Variants in CCDC85A observed in about 807,000 individuals in gnomAD.
CCDC85A encodes the protein coiled-coil domain-containing protein 85A.
A neutral mutation model predicts 50.2 loss-of-function variants in CCDC85A; 38 were observed. The ratio of observed to expected loss-of-function variants is 0.76; its 90% CI spans 0.58 to 0.99. The LOEUF (loss-of-function observed/expected upper bound fraction) is 0.99. Ranked by LOEUF, CCDC85A falls within the 50% of genes least tolerant of loss-of-function variation. CCDC85A has a pLI of 0.00. For synonymous variants in CCDC85A, 366 were observed against 301.4 expected (o/e 1.21, Z -2.22); for missense variants, 820 against 742.0 (o/e 1.11, Z -1.22).
intron 2 of CCDC85A, among the ~76,000 whole-genome samples, chr2:56,296,568 C>T (rs764504247): frequency 4.4e-4 from 67 of 152,108 alleles, no homozygotes; most frequent in Admixed American, 9.2e-4. Context: ...GGAATTTTGG[C>T]GGCTTTTGAT....
At chr2:56,220,629 A>T (rs780542385) in intron 2 of CCDC85A, among the ~76,000 whole-genome samples, 4 of 152,036 alleles carry the variant, frequency 2.6e-5, no homozygotes, top group Non-Finnish European at 4.4e-5. Context: ...TGAGAAAGGA[A>T]GCTTTGTACT....
At chr2:56,370,184 C>T (rs991954170) in intron 3 of CCDC85A, among the ~76,000 whole-genome samples, 1 of 152,102 alleles carries the variant, frequency 6.6e-6, no homozygotes, top group Non-Finnish European at 1.5e-5. Context: ...AATCTGAGTT[C>T]CACCATTTTG....
chr2:56,266,607 A>T (rs1243360972), intron 2 of CCDC85A, among the ~76,000 whole-genome samples: 2 of 115,230 alleles, frequency 1.7e-5, no homozygotes, highest in Non-Finnish European at 3.3e-5. Flanking sequence ...TTCTTCCTCC[A>T]AAAAAGATCC....
chr2:56,257,572 C>G (rs1044989096), intron 2 of CCDC85A, among the ~76,000 whole-genome samples: 1 of 152,034 alleles, frequency 6.6e-6, no homozygotes, highest in Non-Finnish European at 1.5e-5. Flanking sequence ...TGAAAAACAT[C>G]TGGGAGGAAG....
rs11407205 is a variant in CCDC85A at position 56,209,420 on chromosome 2, CT to C, written c.1240+15995del. 6.7e-4 allele frequency among the ~76,000 whole-genome samples: 95 copies of C among 141,078 alleles called. 1 individual carries two copies. Among genetic ancestry groups the C allele is most frequent in the South Asian group, 5.3e-3 (24 of 4,514 alleles). 92.6% of individuals were successfully genotyped at this position (141,078 alleles called of 152,430 possible). ...CAGACATGCAAATAGAAGTCTGTTC[CT>C]TTTTTTTTTTTTTTCTCCTTTTTCT... On this transcript the variant is annotated intron_variant, in intron 2 of 5. Transcript: ENST00000407595.
chr2:56,291,830 C>T lies in CCDC85A; in HGVS notation c.1241-51049C>T, dbSNP rs115510174. ...AGAGGGAGGATGTAACCTGATTTAC[C>T]TGTGAGAACGTTCACGCTGACTCCT... On this transcript the variant is annotated intron_variant, in intron 2 of 5. Coordinates refer to ENST00000407595, the MANE Select transcript of CCDC85A (RefSeq NM_001080433.2). Among the ~76,000 whole-genome samples, 255 of 142,212 alleles carry T rather than the reference C, an allele frequency of 1.8e-3. 2 individuals are homozygous for T. The highest frequency in any genetic ancestry group is 6.6e-3 in the African/African-American group (250 of 37,824). 93.3% of individuals were successfully genotyped at this position (142,212 alleles called of 152,430 possible). A position where few individuals can be genotyped will look rare whatever the true frequency, so the allele number is the denominator to read the frequency against.
chr2:56,302,669 C>G (rs919278705), intron 2 of CCDC85A, among the ~76,000 whole-genome samples: 5 of 152,162 alleles, frequency 3.3e-5, no homozygotes, highest in African/African-American at 9.7e-5. Flanking sequence ...ACAAAGTCAC[C>G]TTTCTTTATC....
At position 56,307,284 on chromosome 2, in the gene CCDC85A, C is replaced by T. The variant is rs146711270; in HGVS notation, c.1241-35595C>T. Among the ~76,000 whole-genome samples, 662 of 152,128 alleles carry T rather than the reference C, an allele frequency of 4.4e-3. 1 individual carries two copies. Among genetic ancestry groups the T allele is most frequent in the Non-Finnish European group, 7.8e-3 (531 of 67,996 alleles). On this transcript the variant is annotated intron_variant, in intron 2 of 5. Transcript: ENST00000407595. ...GAAAAAAATGATAGATAAAGTTTGT[C>T]ATGATGAAATATATTAATTCTAGAG...
chr2:56,252,666 A>G (rs1669816197), intron 2 of CCDC85A, among the ~76,000 whole-genome samples: 1 of 151,858 alleles, frequency 6.6e-6, no homozygotes. Flanking sequence ...TACATTAGGT[A>G]TTTCTCCTAA....
intron 2 of CCDC85A, among the ~76,000 whole-genome samples, chr2:56,248,444 A>G (rs1573097153): frequency 1.3e-5 from 2 of 151,586 alleles, no homozygotes; most frequent in African/African-American, 2.4e-5. Context: ...GTGTCTACCC[A>G]CCTCCCTTCC....
chr2:56,337,936 C>T (rs767596399), intron 2 of CCDC85A, among the ~76,000 whole-genome samples: 8 of 152,162 alleles, frequency 5.3e-5, no homozygotes, highest in African/African-American at 1.7e-4. Flanking sequence ...AGGCAGCTGC[C>T]ACCATGCCCG....
intron 2 of CCDC85A, among the ~76,000 whole-genome samples, chr2:56,285,432 AT>A (rs1298199955): frequency 6.9e-6 from 1 of 145,086 alleles, no homozygotes; most frequent in African/African-American, 2.5e-5. Flanking sequence ...GTTCTTATCG[AT>A]TAATTATATT....
At chr2:56,348,317 C>T (rs927015671) in intron 3 of CCDC85A, among the ~76,000 whole-genome samples, 1 of 152,144 alleles carries the variant, frequency 6.6e-6, no homozygotes, top group Non-Finnish European at 1.5e-5. Context: ...GTTTCTGAAT[C>T]CATAGAGGCA....
chr2:56,292,135 T>G (rs549028785), intron 2 of CCDC85A, among the ~76,000 whole-genome samples: 1 of 152,226 alleles, frequency 6.6e-6, no homozygotes, highest in East Asian at 1.9e-4. Flanking sequence ...CAGGCTGGAG[T>G]GCAGTGGCGC....
intron 3 of CCDC85A, among the ~76,000 whole-genome samples, chr2:56,345,696 C>T (rs1674601042): frequency 6.6e-6 from 1 of 152,174 alleles, no homozygotes; most frequent in Non-Finnish European, 1.5e-5. Flanking sequence ...AGAGAATTCT[C>T]ATGGGAGACT....
rs149858899 is a variant in CCDC85A, at chr2:56,322,458, A to G, written c.1241-20421A>G. The stretch of plus-strand genomic sequence containing the variant: ...AAACAGATTTACAAGAAAAAATCAA[A>G]CAACCCCATTAAAAAGTGGGTGATG... On this transcript the variant is annotated intron_variant, in intron 2 of 5. Transcript: ENST00000407595. Among the ~76,000 whole-genome samples, 305 of 152,332 alleles carry G rather than the reference A, an allele frequency of 2.0e-3. 1 individual carries two copies. Among genetic ancestry groups the G allele is most frequent in the African/African-American group, 7.0e-3 (291 of 41,588 alleles).
intron 1 of CCDC85A, among the ~76,000 whole-genome samples, chr2:56,189,856 G>A (rs1676222640): frequency 6.6e-6 from 1 of 152,234 alleles, no homozygotes; most frequent in African/African-American, 2.4e-5. Flanking sequence ...AGGGGAAGGA[G>A]TGGATGGTGC....
At chr2:56,262,451 T>G (rs1451104941) in intron 2 of CCDC85A, among the ~76,000 whole-genome samples, 1 of 152,188 alleles carries the variant, frequency 6.6e-6, no homozygotes, top group Non-Finnish European at 1.5e-5. Context: ...TTTCCTTGGC[T>G]TCTAAGGGTT....
intron 5 of CCDC85A, chr2:56,379,862 G>A (rs2104405104): frequency 1.1e-6 from 1 of 887,220 alleles, no homozygotes; most frequent in African/African-American, 1.8e-5. Flanking sequence ...AGTTTAATGT[G>A]CTTTATTGTG....
Sources: gnomAD v4.1 joint callset for allele counts (sites outside exome capture counted in the v4.1 genomes callset) on GRCh38, gnomAD v4.1.1 for gene constraint, MANE v1.5 for transcripts, NCBI Gene and HGNC (gene_info 2026-07-23, HGNC 2026-07-21) for gene names.